The following RBMS3 variants were observed in gnomAD, a reference collection of about 807,000 sequenced individuals.
RBMS3 encodes RNA binding motif single stranded interacting protein 3, also known as RNA-binding motif, single-stranded-interacting protein 3.
A neutral mutation model predicts 66.8 loss-of-function variants in RBMS3; 27 were observed. The ratio of observed to expected loss-of-function variants is 0.40; its 90% confidence interval spans 0.30 to 0.56. The LOEUF (loss-of-function observed/expected upper bound fraction) is 0.56. Ranked by LOEUF, RBMS3 falls within the 20% of genes least tolerant of loss-of-function variation. RBMS3 has a pLI of 0.40. For missense variants in RBMS3, 513 were observed against 549.5 expected (o/e 0.93, Z 0.66); for synonymous variants, 188 against 183.0 (o/e 1.03, Z -0.22).
At chr3:29,859,495 T>A (rs886959085) in intron 6 of RBMS3, among the ~76,000 whole-genome samples, 6 of 152,160 alleles carry the variant, frequency 3.9e-5, no homozygotes, top group African/African-American at 1.2e-4. Context: ...TACCACAAAT[T>A]AGCAAGCAAT....
chr3:29,324,536 C>G (rs2035200820), intron 1 of RBMS3, among the ~76,000 whole-genome samples: 1 of 151,604 alleles, frequency 6.6e-6, no homozygotes, highest in Admixed American at 6.6e-5. Flanking sequence ...GCATGTTTGG[C>G]CGTGGAATTT....
intron 5 of RBMS3, 113 bp downstream of exon 5, chr3:29,739,990 ATT>A (rs2054565802): frequency 6.9e-6 from 6 of 871,518 alleles, no homozygotes; most frequent in Non-Finnish European, 8.1e-6. Context: ...AAAAAAAAAA[ATT>A]AAAAGTAGCT....
chr3:29,702,534 T>A (rs1486210741), intron 4 of RBMS3, among the ~76,000 whole-genome samples: 1 of 152,212 alleles, frequency 6.6e-6, no homozygotes, highest in Non-Finnish European at 1.5e-5. Flanking sequence ...TTGCAATAAG[T>A]CACTGCTGCT....
chr3:29,460,135 C>G (rs1463721135), intron 2 of RBMS3, among the ~76,000 whole-genome samples: 1 of 152,196 alleles, frequency 6.6e-6, no homozygotes, highest in Non-Finnish European at 1.5e-5. Context: ...TTGTTAGTGA[C>G]TTTGAGCCCT....
At chr3:29,579,237 G>C (rs2047238551) in intron 3 of RBMS3, among the ~76,000 whole-genome samples, 1 of 152,168 alleles carries the variant, frequency 6.6e-6, no homozygotes, top group South Asian at 2.1e-4. Context: ...ATGAATAGGT[G>C]GTAAAAAGAA....
At chr3:29,987,954 G>T (rs1698542941) in intron 12 of RBMS3, 189 bp from the exon 13 acceptor site, 2 of 535,700 alleles carry the variant, frequency 3.7e-6, no homozygotes, top group South Asian at 4.6e-5. Context: ...GCTACTGTGG[G>T]TACTTAATCA....
chr3:29,690,173 G>T (rs963882229), intron 4 of RBMS3, among the ~76,000 whole-genome samples: 7 of 152,014 alleles, frequency 4.6e-5, no homozygotes, highest in African/African-American at 1.7e-4. Context: ...TATCTGGCCA[G>T]GCGTGGTGGC....
At chr3:29,699,349 T>C (rs9853179) in intron 4 of RBMS3, among the ~76,000 whole-genome samples, 18,379 of 152,056 alleles carry the variant, frequency 0.12, 2,424 homozygotes, top group African/African-American at 0.33. Context: ...CAGGGTTTCA[T>C]TTGGCCAGGC....
chr3:29,760,262 CACACACAT>C (rs1295525893), intron 5 of RBMS3, among the ~76,000 whole-genome samples: 3 of 149,850 alleles, frequency 2.0e-5, no homozygotes, highest in Admixed American at 1.3e-4. Context: ...AACACACACA[CACACACAT>C]ACACACACAC....
chr3:29,897,980 C>T (rs1257817306), intron 9 of RBMS3, among the ~76,000 whole-genome samples: 1 of 151,552 alleles, frequency 6.6e-6, no homozygotes, highest in Admixed American at 6.6e-5. Flanking sequence ...GTTCGTATTC[C>T]CTGCTCTTAT....
At chr3:29,579,440 C>CT (rs2047246715) in intron 3 of RBMS3, among the ~76,000 whole-genome samples, 1 of 152,152 alleles carries the variant, frequency 6.6e-6, no homozygotes, top group South Asian at 2.1e-4. Context: ...TTCTACCCAT[C>CT]TGTAAGTCTA....
At chr3:29,435,966 T>C (rs2041386021) in intron 2 of RBMS3, among the ~76,000 whole-genome samples, 1 of 115,492 alleles carries the variant, frequency 8.7e-6, no homozygotes, top group East Asian at 2.4e-4. Flanking sequence ...AGAGCGAGAC[T>C]CCGTCTCAAA....
intron 1 of RBMS3, among the ~76,000 whole-genome samples, chr3:29,307,419 A>T (rs554424682): frequency 1.1e-4 from 16 of 152,074 alleles, no homozygotes; most frequent in African/African-American, 3.6e-4. Context: ...TTTATAAAGT[A>T]GCCCCTAATC....
At chr3:29,892,158 C>T (rs2060015577) in intron 8 of RBMS3, among the ~76,000 whole-genome samples, 1 of 151,532 alleles carries the variant, frequency 6.6e-6, no homozygotes, top group Admixed American at 6.6e-5. Context: ...TTCTGGAGGA[C>T]GGTTGCCTTT....
intron 2 of RBMS3, among the ~76,000 whole-genome samples, chr3:29,481,858 A>G (rs2043139939): frequency 1.3e-5 from 2 of 152,138 alleles, no homozygotes; most frequent in Admixed American, 1.3e-4. Flanking sequence ...GTAATAAGGG[A>G]GGGTTTAATA....
intron 1 of RBMS3, among the ~76,000 whole-genome samples, chr3:29,350,083 C>T (rs921786595): frequency 6.6e-6 from 1 of 151,448 alleles, no homozygotes. Context: ...TTGCTTGAAC[C>T]TGGGAGGCGG....
At chr3:29,488,751 C>G (rs549249459) in intron 3 of RBMS3, among the ~76,000 whole-genome samples, 1 of 152,260 alleles carries the variant, frequency 6.6e-6, no homozygotes, top group East Asian at 1.9e-4. Flanking sequence ...AACTAAATTA[C>G]CTCCTAACAA....
At chr3:29,898,192 A>G (rs544925531) in intron 9 of RBMS3, among the ~76,000 whole-genome samples, 40 of 151,800 alleles carry the variant, frequency 2.6e-4, no homozygotes, top group African/African-American at 9.2e-4. Context: ...CGTATGTGAT[A>G]TTAATCTCCT....
At chr3:29,737,357 A>G (rs1251132081) in intron 4 of RBMS3, among the ~76,000 whole-genome samples, 1 of 152,216 alleles carries the variant, frequency 6.6e-6, no homozygotes, top group African/African-American at 2.4e-5. Context: ...GTAACAACCT[A>G]TGACTGTCAA....
Sources: allele counts gnomAD v4.1 joint callset (sites outside exome capture counted in the v4.1 genomes callset), GRCh38; gene constraint gnomAD v4.1.1; transcripts MANE v1.5; gene names NCBI Gene and HGNC (gene_info 2026-07-23, HGNC 2026-07-21).